Variants in SIAH3 observed in about 807,000 individuals in gnomAD.
The protein encoded by SIAH3 is seven in absentia homolog 3.
A neutral mutation model predicts 12.6 loss-of-function variants in SIAH3; 9 were observed. The ratio of observed to expected loss-of-function variants is 0.72; its 90% CI spans 0.43 to 1.25. SIAH3 has a LOEUF of 1.25. Among genes scored for constraint, SIAH3 ranks in the 50% most tolerant of loss-of-function variants. The pLI is 0.00. For synonymous variants in SIAH3, 154 were observed against 151.1 expected, an observed-to-expected ratio of 1.02 and a Z score of -0.14; for missense variants, 390 against 365.4, an observed-to-expected ratio of 1.07 and a Z score of -0.55.
At chr13:45,794,115 T>G (rs1469633605) in intron 1 of SIAH3, among the ~76,000 whole-genome samples, 1 of 147,524 alleles carries the variant, frequency 6.8e-6, no homozygotes, top group Non-Finnish European at 1.5e-5. Context: ...TTTTTTGAGA[T>G]GGAGTCTTAC....
intron 1 of SIAH3, among the ~76,000 whole-genome samples, chr13:45,811,416 G>A (rs879102717): frequency 3.9e-5 from 6 of 152,180 alleles, no homozygotes; most frequent in African/African-American, 1.2e-4. Context: ...GTAATAGAAC[G>A]TTTTGAAAGG....
intron 1 of SIAH3, among the ~76,000 whole-genome samples, chr13:45,839,819 G>A (rs934723229): frequency 6.6e-6 from 1 of 152,122 alleles, no homozygotes; most frequent in African/African-American, 2.4e-5. Context: ...GCAACAGAGT[G>A]AGACTCTGTC....
chr13:45,839,566 C>T (rs1389575618), intron 1 of SIAH3, among the ~76,000 whole-genome samples: 1 of 152,230 alleles, frequency 6.6e-6, no homozygotes, highest in Non-Finnish European at 1.5e-5. Flanking sequence ...GGTGCGGTGG[C>T]TCACGCCTGT....
intron 1 of SIAH3, among the ~76,000 whole-genome samples, chr13:45,802,104 G>A (rs1950584357): frequency 1.3e-5 from 2 of 152,218 alleles, no homozygotes; most frequent in South Asian, 4.2e-4. Flanking sequence ...TCAGGAGTTT[G>A]AGACCAGCCT....
At chr13:45,827,720 G>A (rs1453532640) in intron 1 of SIAH3, among the ~76,000 whole-genome samples, 5 of 152,196 alleles carry the variant, frequency 3.3e-5, no homozygotes, top group Admixed American at 1.3e-4. Context: ...GATTGATTCA[G>A]TAAAAGCAGT....
At chr13:45,793,645 C>T (rs986541690) in intron 1 of SIAH3, among the ~76,000 whole-genome samples, 25 of 151,912 alleles carry the variant, frequency 1.6e-4, no homozygotes, top group African/African-American at 5.6e-4. Flanking sequence ...TAAATAACTC[C>T]TCCCCATTGA....
chr13:45,810,297 C>T (rs186139650), intron 1 of SIAH3, among the ~76,000 whole-genome samples: 1 of 152,210 alleles, frequency 6.6e-6, no homozygotes, highest in Non-Finnish European at 1.5e-5. Flanking sequence ...TGGATGAAGT[C>T]CTGTTCAGCA....
At chr13:45,787,763 A>C (rs1950533204) in intron 1 of SIAH3, among the ~76,000 whole-genome samples, 1 of 152,136 alleles carries the variant, frequency 6.6e-6, no homozygotes, top group Non-Finnish European at 1.5e-5. Context: ...TGCACGGTGG[A>C]TATTAGCAGG....
chr13:45,843,539 G>A (rs752962334), intron 1 of SIAH3, among the ~76,000 whole-genome samples: 6 of 152,140 alleles, frequency 3.9e-5, no homozygotes, highest in East Asian at 1.9e-4. Flanking sequence ...GTCCCAGCTC[G>A]TTCAGCTCTT....
chr13:45,814,388 C>T (rs58047337), intron 1 of SIAH3, among the ~76,000 whole-genome samples: 1,943 of 152,048 alleles, frequency 0.013, 41 homozygotes, highest in African/African-American at 0.044. Flanking sequence ...AAAAGTGCCA[C>T]GGTGTGGGGT....
chr13:45,781,193 T>G lies in SIAH3; in HGVS notation c.*2190A>C, dbSNP rs1396368456. On this transcript the variant is annotated 3_prime_UTR_variant, in exon 2 of 2. Transcript: ENST00000400405. ...TGGCACAACCAGAAGGCAAAGGTGA[T>G]GTCTGCAGGAGCCCTAAGGCCCTGT... 6.6e-6 allele frequency: 1 copy of G among 152,668 alleles called. No individual in the cohort carries two copies. The highest frequency in any genetic ancestry group is 2.4e-5 in the African/African-American group (1 of 41,454). 9.5% of individuals were successfully genotyped at this position (152,668 alleles called of 1,614,324 possible). A position where few individuals can be genotyped will look rare whatever the true frequency, so the allele number is the denominator to read the frequency against.
intron 1 of SIAH3, among the ~76,000 whole-genome samples, chr13:45,840,650 A>C (rs2137582922): frequency 6.6e-6 from 1 of 152,294 alleles, no homozygotes; most frequent in Middle Eastern, 3.4e-3. Context: ...AGAGGATGCT[A>C]CCAGGATTGC....
intron 1 of SIAH3, among the ~76,000 whole-genome samples, chr13:45,787,329 T>C (rs187205283): frequency 6.6e-6 from 1 of 152,226 alleles, no homozygotes; most frequent in African/African-American, 2.4e-5. Context: ...CATTAAGCCA[T>C]TCAGCATACA....
intron 1 of SIAH3, among the ~76,000 whole-genome samples, chr13:45,818,813 A>G (rs745791651): frequency 6.6e-6 from 1 of 152,230 alleles, no homozygotes; most frequent in Non-Finnish European, 1.5e-5. Flanking sequence ...ACTTTGCCAC[A>G]CAAGGTCACA....
At chr13:45,821,570 G>T (rs1256667238) in intron 1 of SIAH3, among the ~76,000 whole-genome samples, 1 of 152,162 alleles carries the variant, frequency 6.6e-6, no homozygotes, top group Non-Finnish European at 1.5e-5. Context: ...AAAAAATTTG[G>T]TGTCATAAAA....
At chr13:45,843,982 C>T (rs570592731) in intron 1 of SIAH3, among the ~76,000 whole-genome samples, 15 of 152,270 alleles carry the variant, frequency 9.9e-5, no homozygotes, top group Admixed American at 3.9e-4. Flanking sequence ...ATTAAAATCC[C>T]AAATGTTAAA....
Position 45,782,211 on chromosome 13 carries a change from C to T in SIAH3, c.*1172G>A, listed in dbSNP as rs753041192. On this transcript the variant is annotated 3_prime_UTR_variant, in exon 2 of 2. Transcript: ENST00000400405. ...CCTGCGCAGAGGAAATATGGATTTC[C>T]GTCACTGTGTCATTCATACTGCAAC... The T allele has an allele frequency of 2.6e-5, 4 of 152,184 alleles. No individual in the cohort carries two copies. Among genetic ancestry groups the T allele is most frequent in the Admixed American group, 6.5e-5 (1 of 15,276 alleles). 9.4% of individuals were successfully genotyped at this position (152,184 alleles called of 1,614,324 possible).
intron 1 of SIAH3, among the ~76,000 whole-genome samples, chr13:45,795,532 A>G (rs147986858): frequency 2.0e-5 from 3 of 152,320 alleles, no homozygotes; most frequent in Non-Finnish European, 4.4e-5. Flanking sequence ...TGGTCACATA[A>G]AGAGTATACT....
At chr13:45,834,700 G>A (rs1176340373) in intron 1 of SIAH3, among the ~76,000 whole-genome samples, 2 of 152,096 alleles carry the variant, frequency 1.3e-5, no homozygotes, top group Non-Finnish European at 2.9e-5. Flanking sequence ...GACCTACTGT[G>A]GGCCAGAAGA....
Sources: allele counts gnomAD v4.1 joint callset (sites outside exome capture counted in the v4.1 genomes callset), GRCh38; gene constraint gnomAD v4.1.1; transcripts MANE v1.5; gene names NCBI Gene and HGNC (gene_info 2026-07-23, HGNC 2026-07-21).